The following JPH4 variants were observed in gnomAD, a reference collection of about 807,000 sequenced individuals.
JPH4 encodes the protein junctophilin-4.
In JPH4, 18 loss-of-function variants were observed where a neutral mutation model predicts 57.6. The observed-to-expected ratio is 0.31, with a 90% CI of 0.22 to 0.46. JPH4 has a LOEUF of 0.46. JPH4 is among the 20% of genes least tolerant of loss of function. The probability of loss-of-function intolerance (pLI) is 1.00; values close to 1 mark genes in which losing one functional copy is unlikely to be tolerated. For missense variants in JPH4, 727 were observed against 911.1 expected, an observed-to-expected ratio of 0.80 and a Z score of 2.60; for synonymous variants, 425 against 406.6, an observed-to-expected ratio of 1.05 and a Z score of -0.54.
At position 23,577,522 on chromosome 14, in the gene JPH4, G is replaced by C. The variant is rs767336430; in HGVS notation, c.-69C>G. The stretch of plus-strand genomic sequence containing the variant: ...TCCTGGGACTGGAGAGCCTGCTGGG[G>C]GCCTTGGAGCCGGGCGAGGCCTCGG... On this transcript the variant is annotated 5_prime_UTR_variant, in exon 2 of 6. Transcript: ENST00000356300. This position sits in a 1 kb window ranked among gnomAD's most constrained non-coding sequence, Gnocchi z 8.4. The C allele has an allele frequency of 7.6e-7, 1 of 1,317,734 alleles. No individual in the cohort carries two copies. Among genetic ancestry groups the C allele is most frequent in the Middle Eastern group, 2.8e-4 (1 of 3,586 alleles). 81.6% of individuals were successfully genotyped at this position (1,317,734 alleles called of 1,614,324 possible). A position where few individuals can be genotyped will look rare whatever the true frequency, so the allele number is the denominator to read the frequency against.
rs983872527 is a variant in JPH4, at chr14:23,569,955, C to T, written c.1804-238G>A. 1.2e-4 allele frequency among the ~76,000 whole-genome samples: 19 copies of T among 152,198 alleles called. No homozygotes were observed. Among genetic ancestry groups the T allele is most frequent in the African/African-American group, 4.6e-4 (19 of 41,446 alleles). On this transcript the variant is annotated intron_variant, in intron 5 of 5. Transcript: ENST00000356300. The surrounding 1 kb of genome is among the most constrained non-coding windows in gnomAD (Gnocchi z 4.8). ...TTCCACCTCCTCCCTCTAGTCCCCTCCCATCAGCATATCATGTGTCCCAGG... is the reference window on the plus strand; with the variant it reads ...TTCCACCTCCTCCCTCTAGTCCCCTTCCATCAGCATATCATGTGTCCCAGG...
rs1889269846 is a variant in JPH4 at position 23,576,226 on chromosome 14, C to A, written c.610G>T (p.Asp204Tyr). The A allele has an allele frequency of 3.1e-6, 4 of 1,272,378 alleles. No individual in the cohort carries two copies. Among genetic ancestry groups the A allele is most frequent in the Admixed American group, 4.2e-5 (1 of 23,892 alleles). 78.8% of individuals were successfully genotyped at this position (1,272,378 alleles called of 1,614,324 possible). A position where few individuals can be genotyped will look rare whatever the true frequency, so the allele number is the denominator to read the frequency against. ...GFVLAGPGDA[D>Y]GASSRKRTPA... ...GTGCGCTTTCGGGACGACGCGCCGT[C>A]GGCGTCCCCGGGCCCGGCCAGCACG... Residue 204 changes from aspartate to tyrosine, a missense_variant, in exon 3 of 6, where the codon GAC becomes TAC. This residue lies in a region of JPH4 where 131 missense variants were observed against 156.5 expected (regional missense o/e 0.84). Coordinates refer to ENST00000356300, the MANE Select transcript of JPH4 (RefSeq NM_001146028.2). This position sits in a 1 kb window ranked among gnomAD's most constrained non-coding sequence, Gnocchi z 8.0.
chr14:23,572,332 C>T (rs1056250423), intron 3 of JPH4, among the ~76,000 whole-genome samples: 8 of 151,870 alleles, frequency 5.3e-5, no homozygotes, highest in African/African-American at 1.2e-4. Flanking sequence ...ATGAGCTATA[C>T]TACCACCTTC....
At position 23,577,643 on chromosome 14, in the gene JPH4, G is replaced by T. The variant is rs1422000781; in HGVS notation, c.-171-19C>A. ...TGAGTGGCTGCGGAGAAAGAGGGAG[G>T]GGGGCAAGTGGCGAGAGAGGCCCCT... is the stretch of plus-strand genomic sequence containing the variant. On this transcript the variant is annotated intron_variant, in intron 1 of 5. Coordinates refer to ENST00000356300, the MANE Select transcript of JPH4 (RefSeq NM_001146028.2). This position sits in a 1 kb window ranked among gnomAD's most constrained non-coding sequence, Gnocchi z 8.4. 1 of 436,902 alleles carries T rather than the reference G, an allele frequency of 2.3e-6. No individual in the cohort carries two copies. The highest frequency in any genetic ancestry group is 4.0e-6 in the Non-Finnish European group (1 of 251,692). 27.1% of individuals were successfully genotyped at this position (436,902 alleles called of 1,614,324 possible). A position where few individuals can be genotyped will look rare whatever the true frequency, so the allele number is the denominator to read the frequency against.
chr14:23,570,464 C>T (rs972454758), intron 5 of JPH4, among the ~76,000 whole-genome samples: 14 of 151,234 alleles, frequency 9.3e-5, no homozygotes, highest in Admixed American at 2.0e-4. Flanking sequence ...CTCCGCCTCC[C>T]GGGTTCACGC....
Position 23,576,126 on chromosome 14 carries a change from A to G in JPH4, c.710T>C (p.Leu237Pro), listed in dbSNP as rs1889267291. The G allele has an allele frequency of 6.1e-6, 8 of 1,310,162 alleles. No individual in the cohort carries two copies. The African/African-American group carries it at 1.1e-4, about 18-fold the overall frequency. 81.2% of individuals were successfully genotyped at this position (1,310,162 alleles called of 1,614,324 possible). The change falls in exon 3 of 6, where the codon CTG (leucine) becomes CCG (proline). Residue 237 changes from leucine (L) to proline (P), a missense_variant. Transcript: ENST00000356300. This position sits in a 1 kb window ranked among gnomAD's most constrained non-coding sequence, Gnocchi z 8.0. Reference sequence around the variant, plus strand: ...GCGCAGGGAGCCTCGCTTGCTGCCCAGGGAGCTGCGACGTCCGCCCGCTCG... The same window carrying G: ...GCGCAGGGAGCCTCGCTTGCTGCCCGGGGAGCTGCGACGTCCGCCCGCTCG... ...GLRAGGRRSS[L>P]GSKRGSLRSE...
Position 23,569,447 on chromosome 14 carries a change from T to C in JPH4, c.*187A>G, listed in dbSNP as rs1889013423. The C allele has an allele frequency of 1.2e-5, 7 of 599,702 alleles. No homozygotes were observed. Among genetic ancestry groups the C allele is most frequent in the African/African-American group, 1.9e-5 (1 of 51,382 alleles). The allele number at this position is 599,702 out of a possible 1,614,324, so 37.1% of individuals were successfully genotyped here. ...AATACAGAGACAGATCCAGAAGAAATGAGATAATCTGAAAGAAGACAGGGA... is the reference window on the plus strand; with the variant it reads ...AATACAGAGACAGATCCAGAAGAAACGAGATAATCTGAAAGAAGACAGGGA... On this transcript the variant is annotated 3_prime_UTR_variant, in exon 6 of 6. Coordinates refer to ENST00000356300, the MANE Select transcript of JPH4 (RefSeq NM_001146028.2). This position sits in a 1 kb window ranked among gnomAD's most constrained non-coding sequence, Gnocchi z 4.8.
At position 23,577,099 on chromosome 14, in the gene JPH4, C is replaced by A; in HGVS notation, c.355G>T (p.Gly119Cys). ...LWKDGFQDGY[G>C]TETYSDGGTY... is the part of the protein sequence containing the mutation. ...CCTCCGTCGGAGTAGGTCTCAGTGC[C>A]GTAGCCGTCCTGGAAACCGTCCTTC... Residue 119 changes from glycine to cysteine, a missense_variant, in exon 2 of 6, where the codon GGC becomes TGC. Coordinates refer to ENST00000356300, the MANE Select transcript of JPH4 (RefSeq NM_001146028.2). The surrounding 1 kb of genome is among the most constrained non-coding windows in gnomAD (Gnocchi z 8.4). 6.4e-7 allele frequency: 1 copy of A among 1,566,332 alleles called. No individual in the cohort carries two copies. The highest frequency in any genetic ancestry group is 1.4e-5 in the African/African-American group (1 of 73,492).
Position 23,568,624 on chromosome 14 carries a change from T to G in JPH4, c.*1010A>C. ...TCACAGCTTCTGCTTCCATGTGAGC[T>G]CCTGTTATCTTGTCTGGTCCTATCC... On this transcript the variant is annotated 3_prime_UTR_variant, in exon 6 of 6. Coordinates refer to ENST00000356300, the MANE Select transcript of JPH4 (RefSeq NM_001146028.2). 1 of 985,922 alleles carries G rather than the reference T, an allele frequency of 1.0e-6. No individual in the cohort carries two copies. The highest frequency in any genetic ancestry group is 1.2e-6 in the Non-Finnish European group (1 of 829,968). 61.1% of individuals were successfully genotyped at this position (985,922 alleles called of 1,614,324 possible). A position where few individuals can be genotyped will look rare whatever the true frequency, so the allele number is the denominator to read the frequency against.
chr14:23,572,757 A>G, intron 3 of JPH4: 1 of 642,344 alleles, frequency 1.6e-6, no homozygotes, highest in Non-Finnish European at 2.8e-6. Flanking sequence ...CCCTACTAAC[A>G]TGCAATATGC....
Position 23,575,727 on chromosome 14 carries a change from G to T in JPH4, c.1109C>A (p.Ala370Asp). 6.3e-7 allele frequency: 1 copy of T among 1,596,424 alleles called. No individual in the cohort carries two copies. The highest frequency in any genetic ancestry group is 2.3e-5 in the East Asian group (1 of 43,070). ...VDRAVEGARR[A>D]VSAARQRQEI... ...CTGGCGCTGACGGGCAGCACTCACG[G>T]CTCGACGGGCGCCCTCGACAGCCCT... Residue 370 changes from alanine (A) to aspartate (D), a missense_variant, in exon 3 of 6, where the codon GCC becomes GAC. Physicochemically the swap from Ala to Asp is moderately radical, Grantham distance 126. Transcript: ENST00000356300. The surrounding 1 kb of genome is among the most constrained non-coding windows in gnomAD (Gnocchi z 6.9).
At position 23,576,956 on chromosome 14, in the gene JPH4, G is replaced by A; in HGVS notation, c.379+119C>T. On this transcript the variant is annotated intron_variant, in intron 2 of 5. Coordinates refer to ENST00000356300, the MANE Select transcript of JPH4 (RefSeq NM_001146028.2). The surrounding 1 kb of genome is among the most constrained non-coding windows in gnomAD (Gnocchi z 8.0). ...TTGGGGGCTGGGGGTCACATCGATG[G>A]GGAATGGTGGCGGGGGAAAGAAGGA... The A allele has an allele frequency of 8.2e-7, 1 of 1,216,814 alleles. No individual in the cohort carries two copies. Among genetic ancestry groups the A allele is most frequent in the Non-Finnish European group, 1.1e-6 (1 of 915,280 alleles). The allele number at this position is 1,216,814 out of a possible 1,614,324, so 75.4% of individuals were successfully genotyped here.
chr14:23,576,305 C>T lies in JPH4; in HGVS notation c.531G>A (p.Leu177=). The T allele has an allele frequency of 5.5e-6, 7 of 1,282,406 alleles. No individual in the cohort carries two copies. Among genetic ancestry groups the T allele is most frequent in the Non-Finnish European group, 6.9e-6 (7 of 1,016,458 alleles). 79.4% of individuals were successfully genotyped at this position (1,282,406 alleles called of 1,614,324 possible). The change falls in exon 3 of 6, where the codon CTG becomes CTA. Residue 177 remains leucine, a synonymous_variant. Transcript: ENST00000356300. The surrounding 1 kb of genome is among the most constrained non-coding windows in gnomAD (Gnocchi z 8.0). The part of the protein sequence containing the change: ...HSDPPTPPPP[L]PLPGDEGGSP... ...TGCCTCCCTCGTCGCCCGGCAAGGG[C>T]AGGGGCGGGGGTGGCGTCGGGGGGT...
rs1889334888 is a variant in JPH4, at chr14:23,578,539, T to A, written c.-531A>T. Reference sequence around the variant, plus strand: ...TTATGGTTGGGAGAGGAAAAATAAATCAAAATTCCGATTCCATCCCAGCAC... The same window carrying A: ...TTATGGTTGGGAGAGGAAAAATAAAACAAAATTCCGATTCCATCCCAGCAC... On this transcript the variant is annotated 5_prime_UTR_variant, in exon 1 of 6. The change abolishes the stop of an existing upstream ORF in the 5' untranslated region. Coordinates refer to ENST00000356300, the MANE Select transcript of JPH4 (RefSeq NM_001146028.2). 6.6e-6 allele frequency: 1 copy of A among 151,002 alleles called. No homozygotes were observed. The highest frequency in any genetic ancestry group is 2.4e-5 in the African/African-American group (1 of 41,006). 9.4% of individuals were successfully genotyped at this position (151,002 alleles called of 1,614,324 possible).
chr14:23,573,956 A>G (rs1889210839), intron 3 of JPH4, among the ~76,000 whole-genome samples: 1 of 151,712 alleles, frequency 6.6e-6, no homozygotes, highest in Non-Finnish European at 1.5e-5. Flanking sequence ...ACACACACAC[A>G]CACACACACA....
rs1441962976 is a variant in JPH4, at chr14:23,577,656, G to A, written c.-171-32C>T. ...AGAAAGAGGGAGGGGGGCAAGTGGC[G>A]AGAGAGGCCCCTCCTCTTTGCCCGC... On this transcript the variant is annotated intron_variant, in intron 1 of 5. Coordinates refer to ENST00000356300, the MANE Select transcript of JPH4 (RefSeq NM_001146028.2). This position sits in a 1 kb window ranked among gnomAD's most constrained non-coding sequence, Gnocchi z 8.4. 7.0e-6 allele frequency: 3 copies of A among 427,806 alleles called. No individual in the cohort carries two copies. The highest frequency in any genetic ancestry group is 1.2e-5 in the Non-Finnish European group (3 of 244,684). 26.5% of individuals were successfully genotyped at this position (427,806 alleles called of 1,614,324 possible).
intron 3 of JPH4, among the ~76,000 whole-genome samples, chr14:23,574,789 GCTTT>G (rs1889234384): frequency 1.3e-5 from 2 of 152,036 alleles, no homozygotes; most frequent in Non-Finnish European, 2.9e-5. Context: ...CATCACACCT[GCTTT>G]TTTTAATTTT....
chr14:23,571,741 C>G lies in JPH4; in HGVS notation c.1270+61G>C. ...AGGGCTTCTCATCTGTTTCCCCACA[C>G]CTGAGCCTCTCTAGCTCCCTAGGGG... is the stretch of plus-strand genomic sequence containing the variant. On this transcript the variant is annotated intron_variant, in intron 4 of 5. Transcript: ENST00000356300. This position sits in a 1 kb window ranked among gnomAD's most constrained non-coding sequence, Gnocchi z 4.6. 1 of 1,461,646 alleles carries G rather than the reference C, an allele frequency of 6.8e-7. No homozygotes were observed. The highest frequency in any genetic ancestry group is 9.5e-7 in the Non-Finnish European group (1 of 1,051,652). The allele number at this position is 1,461,646 out of a possible 1,614,324, so 90.5% of individuals were successfully genotyped here.
At position 23,568,670 on chromosome 14, in the gene JPH4, C is replaced by T; in HGVS notation, c.*964G>A. On this transcript the variant is annotated 3_prime_UTR_variant, in exon 6 of 6. Coordinates refer to ENST00000356300, the MANE Select transcript of JPH4 (RefSeq NM_001146028.2). ...TATCCCCCAGAAGTGCCTCCTCCCA[C>T]CACAACTCCCAGAGTTGGGATGTGG... 9.1e-6 allele frequency: 9 copies of T among 985,962 alleles called. No individual in the cohort carries two copies. Among genetic ancestry groups the T allele is most frequent in the Non-Finnish European group, 1.1e-5 (9 of 829,994 alleles). The allele number at this position is 985,962 out of a possible 1,614,324, so 61.1% of individuals were successfully genotyped here.
Sources: gnomAD v4.1 joint callset for allele counts (sites outside exome capture counted in the v4.1 genomes callset) on GRCh38, gnomAD v4.1.1 for gene constraint, gnomAD v4.1.1 regional missense constraint, Gnocchi (gnomAD v3.1) non-coding constraint, MANE v1.5 for transcripts, NCBI Gene and HGNC (gene_info 2026-07-23, HGNC 2026-07-21) for gene names.